FAM193B: variants seen among roughly 807,000 people sequenced by gnomAD.
FAM193B encodes family with sequence similarity 193 member B.
In FAM193B, 27 loss-of-function variants were observed where a neutral mutation model predicts 70.7. The ratio of observed to expected loss-of-function variants is 0.38; its 90% CI spans 0.28 to 0.53. The LOEUF (loss-of-function observed/expected upper bound fraction) is 0.53. Ranked by LOEUF, FAM193B falls within the 20% of genes least tolerant of loss-of-function variation. FAM193B has a pLI of 0.81. For synonymous variants in FAM193B, 448 were observed against 436.0 expected, an observed-to-expected ratio of 1.03 and a Z score of -0.34; for missense variants, 1,022 against 1,072.5, an observed-to-expected ratio of 0.95 and a Z score of 0.66.
At position 177,532,518 on chromosome 5, in the gene FAM193B, G is replaced by A. The variant is rs752909308; in HGVS notation, c.1200C>T (p.Cys400=). ...CTCTCTGGTGGGTGGAGGATGAGGTGCAGGAGCTTCGCTCAGAGCTGCTAT... is the reference window on the plus strand; with the variant it reads ...CTCTCTGGTGGGTGGAGGATGAGGTACAGGAGCTTCGCTCAGAGCTGCTAT... ...EEDSSSERSS[C]TSSSTHQRDG... is the part of the protein sequence containing the mutation. The change falls in exon 5 of 9, where the codon TGC becomes TGT. Residue 400 remains cysteine, a synonymous_variant. Coordinates refer to ENST00000514747, the MANE Select transcript of FAM193B (RefSeq NM_001190946.3). The surrounding 1 kb of genome is among the most constrained non-coding windows in gnomAD (Gnocchi z 4.9). 8 of 1,610,866 alleles carry A rather than the reference G, an allele frequency of 5.0e-6. No homozygotes were observed. Among genetic ancestry groups the A allele is most frequent in the Middle Eastern group, 1.7e-4 (1 of 6,056 alleles).
At chr5:177,521,152 A>G (rs1761668667) in intron 8 of FAM193B, among the ~76,000 whole-genome samples, 1 of 152,182 alleles carries the variant, frequency 6.6e-6, no homozygotes, top group Admixed American at 6.5e-5. Context: ...TGCCAGCCGG[A>G]AAAGGCCTGA....
chr5:177,542,749 T>G (rs1485446765), intron 1 of FAM193B, among the ~76,000 whole-genome samples: 1 of 152,240 alleles, frequency 6.6e-6, no homozygotes, highest in Non-Finnish European at 1.5e-5. Context: ...TCACTTCTCC[T>G]CTCCCATCTC....
chr5:177,521,825 T>C (rs995294351), intron 8 of FAM193B, 149 bp downstream of exon 8: 33 of 642,254 alleles, frequency 5.1e-5, no homozygotes, highest in Admixed American at 1.5e-4. Flanking sequence ...TAGCCTGCCA[T>C]TGCTGTGAAG....
In FAM193B at chr5:177,538,207, G is replaced by A. The variant is rs1764413571; in HGVS notation, c.454-100C>T. On this transcript the variant is annotated intron_variant, in intron 2 of 8. Coordinates refer to ENST00000514747, the MANE Select transcript of FAM193B (RefSeq NM_001190946.3). This position sits in a 1 kb window ranked among gnomAD's most constrained non-coding sequence, Gnocchi z 4.1. Reference sequence around the variant, plus strand: ...TCCTGAGGGAGCTCCTTCTCCTCCAGACCATGTGCCATAGCAAAAACACAA... The same window carrying A: ...TCCTGAGGGAGCTCCTTCTCCTCCAAACCATGTGCCATAGCAAAAACACAA... 4.8e-6 allele frequency: 6 copies of A among 1,242,744 alleles called. No homozygotes were observed. Among genetic ancestry groups the A allele is most frequent in the Non-Finnish European group, 6.6e-6 (6 of 911,696 alleles). 77.0% of individuals were successfully genotyped at this position (1,242,744 alleles called of 1,614,324 possible).
chr5:177,538,798 T>G lies in FAM193B; in HGVS notation c.453+107A>C. Reference sequence around the variant, plus strand: ...TGCAGCCCAGAAGTCTCTCAGTGCCTGGGCATGGGAGCTGCCCAAGGAGAG... The same window carrying G: ...TGCAGCCCAGAAGTCTCTCAGTGCCGGGGCATGGGAGCTGCCCAAGGAGAG... On this transcript the variant is annotated intron_variant, in intron 2 of 8. Transcript: ENST00000514747. This position sits in a 1 kb window ranked among gnomAD's most constrained non-coding sequence, Gnocchi z 4.1. 6.8e-7 allele frequency: 1 copy of G among 1,462,868 alleles called. No homozygotes were observed. The highest frequency in any genetic ancestry group is 9.3e-7 in the Non-Finnish European group (1 of 1,073,556). 90.6% of individuals were successfully genotyped at this position (1,462,868 alleles called of 1,614,324 possible).
intron 1 of FAM193B, among the ~76,000 whole-genome samples, chr5:177,542,975 C>G (rs1765026832): frequency 6.6e-6 from 1 of 152,184 alleles, no homozygotes; most frequent in African/African-American, 2.4e-5. Flanking sequence ...ATGCAGCCGG[C>G]AGGCAGTCCA....
At chr5:177,529,064 A>G (rs1763062952) in intron 5 of FAM193B, among the ~76,000 whole-genome samples, 1 of 152,066 alleles carries the variant, frequency 6.6e-6, no homozygotes, top group Non-Finnish European at 1.5e-5. Flanking sequence ...TGAGTGAGAA[A>G]CGGATTGACC....
chr5:177,554,447 C>T lies in FAM193B; in HGVS notation c.12G>A (p.Arg4=). 1 of 1,050,932 alleles carries T rather than the reference C, an allele frequency of 9.5e-7. No homozygotes were observed. The highest frequency in any genetic ancestry group is 1.1e-6 in the Non-Finnish European group (1 of 876,882). 65.1% of individuals were successfully genotyped at this position (1,050,932 alleles called of 1,614,324 possible). A position where few individuals can be genotyped will look rare whatever the true frequency, so the allele number is the denominator to read the frequency against. The change falls in exon 1 of 9, where the codon AGG becomes AGA. Residue 4 remains arginine, a synonymous_variant. Transcript: ENST00000514747. ...CCGCACCGCCGCTCGGCCTGCTCCG[C>T]CTCCGCGTCATGCCGCCGCTCGCGC... The part of the protein sequence containing the change: MTR[R]RSRPSGGAGR...
chr5:177,546,739 C>A (rs1221706883), intron 1 of FAM193B, among the ~76,000 whole-genome samples: 1 of 152,204 alleles, frequency 6.6e-6, no homozygotes, highest in Non-Finnish European at 1.5e-5. Flanking sequence ...TTTCACACTA[C>A]GAGACTAGTC....
intron 4 of FAM193B, 54 bp downstream of exon 4, chr5:177,536,304 C>T: frequency 6.3e-7 from 1 of 1,576,352 alleles, no homozygotes; most frequent in Admixed American, 2.0e-5. Flanking sequence ...CCAAATTTTC[C>T]AAAATTCTAA....
chr5:177,549,958 T>G (rs1765986212), intron 1 of FAM193B, among the ~76,000 whole-genome samples: 1 of 152,168 alleles, frequency 6.6e-6, no homozygotes, highest in Non-Finnish European at 1.5e-5. Context: ...GACCCTGCTC[T>G]AAAAAATTCT....
rs1766765848 is a variant in FAM193B, at chr5:177,554,354, T to TGGCGGC, written c.99_104dup (p.Pro34_Pro35dup). On this transcript the variant is annotated inframe_insertion, in exon 1 of 9. Coordinates refer to ENST00000514747, the MANE Select transcript of FAM193B (RefSeq NM_001190946.3). ...CTGCACCCGCTCCCGCCTCCAGGCT[T>TGGCGGC]GGCGGCGGCGGGGGCTCGGGCGCCT... The TGGCGGC allele has an allele frequency of 8.2e-7, 1 of 1,226,908 alleles. No individual in the cohort carries two copies. The allele number at this position is 1,226,908 out of a possible 1,614,324, so 76.0% of individuals were successfully genotyped here. A position where few individuals can be genotyped will look rare whatever the true frequency, so the allele number is the denominator to read the frequency against.
At chr5:177,527,958 G>A (rs777016707) in intron 5 of FAM193B, among the ~76,000 whole-genome samples, 1 of 152,198 alleles carries the variant, frequency 6.6e-6, no homozygotes, top group Non-Finnish European at 1.5e-5. Flanking sequence ...AGTTGGAGAC[G>A]TGGATGTACA....
rs768777755 is a variant in FAM193B, at chr5:177,536,498, T to C, written c.936A>G (p.Leu312=). ...TCAGGAGCGGCATGCTGGTGGAGGG[T>C]AGATGGGAGCTCTGACATGGCCCTG... is the stretch of plus-strand genomic sequence containing the variant. ...HTPGPCQSSH[L]PSTSMPLLKM... Residue 312 remains leucine, a synonymous_variant, in exon 4 of 9, where the codon CTA becomes CTG. Transcript: ENST00000514747. The C allele has an allele frequency of 3.7e-5, 57 of 1,554,064 alleles. 1 individual carries two copies. The East Asian group carries it at 1.0e-3, about 29-fold the overall frequency.
intron 1 of FAM193B, among the ~76,000 whole-genome samples, chr5:177,551,424 C>T (rs1305536119): frequency 6.6e-6 from 1 of 152,182 alleles, no homozygotes; most frequent in Non-Finnish European, 1.5e-5. Context: ...CCCAATTAAA[C>T]TCAAGGTCCT....
At chr5:177,550,086 A>T (rs1766004325) in intron 1 of FAM193B, among the ~76,000 whole-genome samples, 1 of 151,594 alleles carries the variant, frequency 6.6e-6, no homozygotes, top group Non-Finnish European at 1.5e-5. Flanking sequence ...AGGCTTAAGG[A>T]GAAGTATCAC....
chr5:177,521,620 C>A (rs1408070531), intron 8 of FAM193B, among the ~76,000 whole-genome samples: 1 of 152,192 alleles, frequency 6.6e-6, no homozygotes, highest in African/African-American at 2.4e-5. Context: ...TGAGGGCAGC[C>A]CCATGGGTCT....
rs531814920 is a variant in FAM193B, at chr5:177,538,025, G to A, written c.536C>T (p.Ser179Leu). 3.2e-5 allele frequency: 50 copies of A among 1,554,698 alleles called. No homozygotes were observed. In the East Asian group the frequency reaches 1.2e-3, roughly 37 times the overall value. ...AGGGCAGGAAGAGGAGGACGAGGATGAGGATGATGAGGAGGAAGACGAGGA... is the reference window on the plus strand; with the variant it reads ...AGGGCAGGAAGAGGAGGACGAGGATAAGGATGATGAGGAGGAAGACGAGGA... ...HSSSSSSSSS[S>L]SSSSSSCPGN... is the part of the protein sequence containing the mutation. The change falls in exon 3 of 9, where the codon TCA (serine) becomes TTA (leucine). Residue 179 changes from serine (S) to leucine (L), a missense_variant. Transcript: ENST00000514747. The surrounding 1 kb of genome is among the most constrained non-coding windows in gnomAD (Gnocchi z 4.1).
intron 5 of FAM193B, among the ~76,000 whole-genome samples, chr5:177,529,650 G>A (rs1002291102): frequency 1.3e-5 from 2 of 152,150 alleles, no homozygotes; most frequent in African/African-American, 4.8e-5. Context: ...AACTGAACTT[G>A]GAAGGAAAGT....
Sources: allele counts gnomAD v4.1 joint callset (sites outside exome capture counted in the v4.1 genomes callset), GRCh38; gene constraint gnomAD v4.1.1; non-coding constraint Gnocchi (gnomAD v3.1); transcripts MANE v1.5; gene names NCBI Gene and HGNC (gene_info 2026-07-23, HGNC 2026-07-21).